Variants in ADGRD1 observed in about 807,000 individuals in gnomAD.
ADGRD1 encodes the protein G-protein coupled receptor 133.
A neutral mutation model predicts 113.4 loss-of-function variants in ADGRD1; 77 were observed. That is an observed-to-expected ratio of 0.68 (90% CI 0.57 to 0.82). The LOEUF (loss-of-function observed/expected upper bound fraction) is 0.82. Among genes scored for constraint, ADGRD1 ranks in the 40% least tolerant of loss-of-function variants. The pLI is 0.00. For synonymous variants in ADGRD1, 474 were observed against 475.0 expected, an observed-to-expected ratio of 1.00 and a Z score of 0.03; for missense variants, 1,036 against 1,139.1, an observed-to-expected ratio of 0.91 and a Z score of 1.30.
At chr12:131,047,597 C>T (rs931762696) in intron 13 of ADGRD1, among the ~76,000 whole-genome samples, 31 of 152,318 alleles carry the variant, frequency 2.0e-4, no homozygotes, top group Admixed American at 6.5e-4. Flanking sequence ...CACGTGGGGA[C>T]ACTTCCTCTG....
In ADGRD1 at chr12:130,966,610, G is replaced by A. The variant is rs982951292; in HGVS notation, c.187+64G>A. 1 of 999,582 alleles carries A rather than the reference G, an allele frequency of 1.0e-6. No homozygotes were observed. The highest frequency in any genetic ancestry group is 1.6e-6 in the Non-Finnish European group (1 of 620,936). 61.9% of individuals were successfully genotyped at this position (999,582 alleles called of 1,614,324 possible). On this transcript the variant is annotated intron_variant, in intron 3 of 24. Coordinates refer to ENST00000261654, the MANE Select transcript of ADGRD1 (RefSeq NM_198827.5). This position sits in a 1 kb window ranked among gnomAD's most constrained non-coding sequence, Gnocchi z 4.6. ...AATCCCAGGGCCATCAGGAGGCGTG[G>A]GTGCTGAGAGTGGCTGGCCTTGAAA...
chr12:131,112,824 T>C (rs1340786613), intron 18 of ADGRD1, among the ~76,000 whole-genome samples: 1 of 152,210 alleles, frequency 6.6e-6, no homozygotes, highest in Admixed American at 6.5e-5. Context: ...TCTCCCAGTG[T>C]AGAACCTCTG....
chr12:131,133,382 C>T (rs1328271467), intron 21 of ADGRD1, among the ~76,000 whole-genome samples: 2 of 152,246 alleles, frequency 1.3e-5, no homozygotes, highest in Middle Eastern at 3.2e-3. Context: ...CATCAGTGCC[C>T]ACCCAGGAAG....
intron 3 of ADGRD1, chr12:130,969,338 G>A: frequency 2.5e-6 from 1 of 402,820 alleles, no homozygotes; most frequent in Non-Finnish European, 4.5e-6. Flanking sequence ...GAACTGGGCT[G>A]CACAGCAGGA....
Position 130,984,919 on chromosome 12 carries a change from C to G in ADGRD1, c.491-2176C>G, listed in dbSNP as rs904041160. Among the ~76,000 whole-genome samples, 2 of 150,160 alleles carry G rather than the reference C, an allele frequency of 1.3e-5. No homozygotes were observed. The highest frequency in any genetic ancestry group is 3.0e-5 in the Non-Finnish European group (2 of 67,656). ...CTTCTCTCTCTCTCTCACTCTCTCT[C>G]TCCTCTCTTCTCTCTTTCTCTCTTT... On this transcript the variant is annotated intron_variant, in intron 5 of 24. Transcript: ENST00000261654. The surrounding 1 kb of genome is among the most constrained non-coding windows in gnomAD (Gnocchi z 4.1).
intron 15 of ADGRD1, among the ~76,000 whole-genome samples, chr12:131,094,637 G>C (rs1222392100): frequency 6.6e-6 from 1 of 152,140 alleles, no homozygotes; most frequent in East Asian, 1.9e-4. Context: ...TGGCTGAGTG[G>C]GGAGGGCATG....
In ADGRD1 at chr12:130,968,722, C is replaced by T. The variant is rs982929616; in HGVS notation, c.187+2176C>T. The T allele has an allele frequency of 1.0e-5, 5 of 502,218 alleles. No individual in the cohort carries two copies. In the East Asian group the frequency reaches 1.4e-4, roughly 14 times the overall value. 31.1% of individuals were successfully genotyped at this position (502,218 alleles called of 1,614,324 possible). ...GTTGGAGCCAGAAAATTAGAACTAT[C>T]GCTTGCGGCCAAATTCAGCAGCCAT... On this transcript the variant is annotated intron_variant, in intron 3 of 24. Transcript: ENST00000261654.
chr12:131,058,338 C>T (rs1400121566), intron 13 of ADGRD1, among the ~76,000 whole-genome samples: 3 of 152,062 alleles, frequency 2.0e-5, no homozygotes, highest in African/African-American at 7.2e-5. Flanking sequence ...CAGGGCGGGT[C>T]GGCTGCTTGG....
In ADGRD1 at chr12:131,000,397, C is replaced by A. The variant is rs138575002; in HGVS notation, c.981C>A (p.Ala327=). 6 of 1,612,890 alleles carry A rather than the reference C, an allele frequency of 3.7e-6. No individual in the cohort carries two copies. The highest frequency in any genetic ancestry group is 5.1e-6 in the Non-Finnish European group (6 of 1,179,306). The part of the protein sequence containing the change: ...ALNLTKTFLK[A]VGEILLLPGW... ...TCCACCTTTAGACCTTCTTAAAAGC[C>A]GTGGGAGAGATCCTTCTACTGCCTG... Residue 327 remains alanine, a synonymous_variant, in exon 9 of 25, where the codon GCC becomes GCA. Transcript: ENST00000261654.
chr12:130,997,605 G>A (rs1216473009), intron 8 of ADGRD1, among the ~76,000 whole-genome samples: 1 of 151,830 alleles, frequency 6.6e-6, no homozygotes, highest in African/African-American at 2.4e-5. Flanking sequence ...CTCAGACGAT[G>A]GGCGGCCGGG....
intron 13 of ADGRD1, among the ~76,000 whole-genome samples, chr12:131,046,415 C>T (rs1255005924): frequency 8.0e-6 from 1 of 124,454 alleles, no homozygotes; most frequent in Non-Finnish European, 1.6e-5. Flanking sequence ...CCTCCCTGGT[C>T]AGCGCTCCCT....
At chr12:131,048,586 C>T (rs986646489) in intron 13 of ADGRD1, among the ~76,000 whole-genome samples, 2 of 152,306 alleles carry the variant, frequency 1.3e-5, no homozygotes, top group East Asian at 1.9e-4. Flanking sequence ...GCGGGGCGGA[C>T]GGCCCAGCCA....
At chr12:130,988,509 AC>A (rs1873970105) in intron 6 of ADGRD1, 1 of 152,144 alleles carries the variant, frequency 6.6e-6, no homozygotes, top group Non-Finnish European at 1.5e-5. Flanking sequence ...AGTTGTTAGG[AC>A]CCTATTGATT....
rs1255377487 is a variant in ADGRD1 at position 131,139,551 on chromosome 12, C to A, written c.*288C>A. 10 of 375,430 alleles carry A rather than the reference C, an allele frequency of 2.7e-5. No individual in the cohort carries two copies. The East Asian group carries it at 5.3e-4, about 20-fold the overall frequency. 23.3% of individuals were successfully genotyped at this position (375,430 alleles called of 1,614,324 possible). A position where few individuals can be genotyped will look rare whatever the true frequency, so the allele number is the denominator to read the frequency against. The stretch of plus-strand genomic sequence containing the variant: ...CACAGTGGCCTGACTGTGATGGTGC[C>A]CTTGAGCCTCCCTTCATCACTCAGC... On this transcript the variant is annotated 3_prime_UTR_variant, in exon 25 of 25. Transcript: ENST00000261654.
At chr12:131,047,538 G>T (rs1204676992) in intron 13 of ADGRD1, among the ~76,000 whole-genome samples, 1 of 152,204 alleles carries the variant, frequency 6.6e-6, no homozygotes, top group Non-Finnish European at 1.5e-5. Context: ...AGCCATAGAG[G>T]CAGTGACATA....
chr12:130,986,008 T>C (rs1873619157), intron 5 of ADGRD1, among the ~76,000 whole-genome samples: 1 of 127,594 alleles, frequency 7.8e-6, no homozygotes, highest in Non-Finnish European at 1.9e-5. Context: ...GTTTATTCTG[T>C]CCCACAGATC....
At chr12:130,955,946 G>A (rs7132691) in intron 2 of ADGRD1, among the ~76,000 whole-genome samples, 2,002 of 152,146 alleles carry the variant, frequency 0.013, 49 homozygotes, top group African/African-American at 0.044. Context: ...ATGCCACCAC[G>A]CCTGGCTAAT....
intron 12 of ADGRD1, among the ~76,000 whole-genome samples, chr12:131,009,342 G>C (rs1877575803): frequency 6.6e-6 from 1 of 152,260 alleles, no homozygotes; most frequent in Non-Finnish European, 1.5e-5. Flanking sequence ...AAGTTGGGCA[G>C]TTCCGGATTG....
At chr12:131,111,594 A>C (rs1317054017) in intron 18 of ADGRD1, among the ~76,000 whole-genome samples, 1 of 148,036 alleles carries the variant, frequency 6.8e-6, no homozygotes, top group East Asian at 2.0e-4. Flanking sequence ...AGCTTCTAAG[A>C]CTCTTGATTT....
Sources: allele counts gnomAD v4.1 joint callset (sites outside exome capture counted in the v4.1 genomes callset), GRCh38; gene constraint gnomAD v4.1.1; non-coding constraint Gnocchi (gnomAD v3.1); transcripts MANE v1.5; gene names NCBI Gene and HGNC (gene_info 2026-07-23, HGNC 2026-07-21).